ADAMTS20: variants seen among roughly 807,000 people sequenced by gnomAD.
The protein encoded by ADAMTS20 is A disintegrin and metalloproteinase with thrombospondin motifs 20.
ADAMTS20 carries 225 observed loss-of-function variants against 260.1 expected under a neutral mutation model. The ratio of observed to expected loss-of-function variants is 0.87; its 90% confidence interval spans 0.78 to 0.97. The LOEUF (loss-of-function observed/expected upper bound fraction) is 0.97, where lower values mean the gene tolerates loss of function less well. Among genes scored for constraint, ADAMTS20 ranks in the 50% least tolerant of loss-of-function variants. The probability of loss-of-function intolerance (pLI) is 0.00; values close to 1 mark genes in which losing one functional copy is unlikely to be tolerated. For synonymous variants in ADAMTS20, 802 were observed against 769.5 expected, an observed-to-expected ratio of 1.04 and a Z score of -0.70; for missense variants, 2,400 against 2,337.7, an observed-to-expected ratio of 1.03 and a Z score of -0.55.
chr12:43,492,414 CAAAACAAAAAA>C, intron 6 of ADAMTS20, 80 bp downstream of exon 6: 1 of 1,414,918 alleles, frequency 7.1e-7, no homozygotes, highest in Non-Finnish European at 9.5e-7. Flanking sequence ...AAAACAAAAA[CAAAACAAAAAA>C]AAGAATTAAG....
chr12:43,372,588 G>T (rs1940130748), intron 36 of ADAMTS20, among the ~76,000 whole-genome samples: 1 of 152,128 alleles, frequency 6.6e-6, no homozygotes, highest in South Asian at 2.1e-4. Flanking sequence ...AAGATGATTT[G>T]CTTGTGATTA....
At chr12:43,429,547 G>T in intron 24 of ADAMTS20, 70 bp downstream of exon 24, 2 of 1,060,294 alleles carry the variant, frequency 1.9e-6, no homozygotes, top group Non-Finnish European at 2.7e-6. Context: ...GAAATCTCTA[G>T]CAACCATTTT....
chr12:43,535,260 T>C (rs1943278482), intron 2 of ADAMTS20, among the ~76,000 whole-genome samples: 2 of 152,152 alleles, frequency 1.3e-5, no homozygotes, highest in South Asian at 4.1e-4. Context: ...TCTAGGCACA[T>C]GTGGTAAGCA....
intron 29 of ADAMTS20, among the ~76,000 whole-genome samples, chr12:43,394,332 A>C (rs1940656661): frequency 6.6e-6 from 1 of 152,144 alleles, no homozygotes; most frequent in Non-Finnish European, 1.5e-5. Context: ...AAAATTGTCA[A>C]GATTTTACTT....
chr12:43,437,318 A>G (rs573766395), intron 18 of ADAMTS20, among the ~76,000 whole-genome samples: 30 of 152,322 alleles, frequency 2.0e-4, no homozygotes, highest in African/African-American at 7.0e-4. Flanking sequence ...TCCCAAAGAT[A>G]AAAGAGAAAA....
chr12:43,415,100 CCTAA>C (rs1263255122), intron 28 of ADAMTS20, among the ~76,000 whole-genome samples: 1 of 152,090 alleles, frequency 6.6e-6, no homozygotes, highest in Non-Finnish European at 1.5e-5. Flanking sequence ...AGTACAGTAT[CCTAA>C]CTGTCACAAA....
chr12:43,454,376 T>C (rs975981021), intron 11 of ADAMTS20, among the ~76,000 whole-genome samples: 2 of 152,204 alleles, frequency 1.3e-5, no homozygotes, highest in African/African-American at 4.8e-5. Flanking sequence ...TATGGTATAT[T>C]TCCATCCTTC....
At chr12:43,421,282 C>CAAAAAAAA (rs61465679) in intron 28 of ADAMTS20, among the ~76,000 whole-genome samples, 3,528 of 118,632 alleles carry the variant, frequency 0.03, 128 homozygotes, top group African/African-American at 0.042. Context: ...CTTTCATTTA[C>CAAAAAAAA]AAAAAAAAAA....
chr12:43,515,555 G>C (rs1205666687), intron 3 of ADAMTS20, among the ~76,000 whole-genome samples: 1 of 152,062 alleles, frequency 6.6e-6, no homozygotes, highest in Non-Finnish European at 1.5e-5. Context: ...CATATGAAAT[G>C]TTCATCTAAC....
At chr12:43,503,627 T>C (rs1454221305) in intron 3 of ADAMTS20, among the ~76,000 whole-genome samples, 1 of 152,044 alleles carries the variant, frequency 6.6e-6, no homozygotes, top group East Asian at 1.9e-4. Flanking sequence ...GGTAAACTCG[T>C]GTCATGGGAG....
rs760041748 is a variant in ADAMTS20, at chr12:43,431,472, T to C, written c.3121A>G (p.Thr1041Ala). The stretch of plus-strand genomic sequence containing the variant: ...TGACACCATACCTGCCGCTGCTTTG[T>C]TCCTTTACCACATGTAACAAGGCAC... ...SECLVTCGKGTKQRQVWCQLN... is the reference protein window; with the variant it reads ...SECLVTCGKGAKQRQVWCQLN... The change falls in exon 22 of 39, where the codon ACA becomes GCA. Residue 1041 changes from threonine (T) to alanine (A), a missense_variant. Coordinates refer to ENST00000389420, the MANE Select transcript of ADAMTS20 (RefSeq NM_025003.5). 9.9e-6 allele frequency: 16 copies of C among 1,613,862 alleles called. No homozygotes were observed. In the African/African-American group the frequency reaches 2.0e-4, roughly 20 times the overall value.
At chr12:43,471,251 C>A (rs1156726691) in intron 7 of ADAMTS20, among the ~76,000 whole-genome samples, 2 of 152,122 alleles carry the variant, frequency 1.3e-5, no homozygotes, top group Non-Finnish European at 2.9e-5. Context: ...TCGGGTCGCT[C>A]CCACCCGAAT....
intron 2 of ADAMTS20, among the ~76,000 whole-genome samples, chr12:43,543,579 G>A (rs544595314): frequency 2.6e-4 from 40 of 152,280 alleles, no homozygotes; most frequent in East Asian, 3.9e-4. Flanking sequence ...AGAAGACTGC[G>A]TTATCCAGAG....
intron 7 of ADAMTS20, among the ~76,000 whole-genome samples, chr12:43,477,736 C>T (rs929722959): frequency 3.3e-5 from 5 of 151,918 alleles, no homozygotes; most frequent in Non-Finnish European, 4.4e-5. Context: ...AAATTCTAGG[C>T]GGTAAGCAAT....
Position 43,428,519 on chromosome 12 carries a change from A to G in ADAMTS20, c.3667T>C (p.Cys1223Arg), listed in dbSNP as rs151010911. ...TGTCGAGTTGTTTTTCCATGGCCAC[A>G]GGAAGCTGAACACTGATCAAAAATT... ...AGDWSPCSASCGHGKTTRQVL... is the reference protein window; with the variant it reads ...AGDWSPCSASRGHGKTTRQVL... Residue 1223 changes from cysteine to arginine, a missense_variant, in exon 26 of 39, where the codon TGT becomes CGT. Physicochemically the swap from Cys to Arg is radical, Grantham distance 180. Coordinates refer to ENST00000389420, the MANE Select transcript of ADAMTS20 (RefSeq NM_025003.5). 4.1e-4 allele frequency: 665 copies of G among 1,613,300 alleles called. 1 individual carries two copies. In the African/African-American group the frequency reaches 8.1e-3, roughly 20 times the overall value.
intron 19 of ADAMTS20, 134 bp from the exon 20 acceptor site, chr12:43,432,945 A>T: frequency 1.4e-6 from 1 of 726,460 alleles, no homozygotes; most frequent in Non-Finnish European, 2.3e-6. Context: ...ACCAGTCTGC[A>T]GCCAGGAAGC....
intron 4 of ADAMTS20, among the ~76,000 whole-genome samples, chr12:43,494,232 T>C (rs1178885204): frequency 3.3e-5 from 5 of 152,182 alleles, no homozygotes; most frequent in Non-Finnish European, 5.9e-5. Context: ...AGTTGTTTAA[T>C]AAAGAAATGT....
intron 29 of ADAMTS20, among the ~76,000 whole-genome samples, chr12:43,391,330 G>A (rs1034618356): frequency 9.2e-5 from 14 of 152,238 alleles, no homozygotes; most frequent in African/African-American, 3.4e-4. Flanking sequence ...TCAGGTGTAG[G>A]GTTGGCAAAT....
chr12:43,399,858 C>T (rs548766391), intron 28 of ADAMTS20, among the ~76,000 whole-genome samples: 2 of 152,064 alleles, frequency 1.3e-5, no homozygotes, highest in South Asian at 4.1e-4. Flanking sequence ...AACGATTTGA[C>T]TTCATTTGTC....
Sources: gnomAD v4.1 joint callset for allele counts (sites outside exome capture counted in the v4.1 genomes callset) on GRCh38, gnomAD v4.1.1 for gene constraint, MANE v1.5 for transcripts, NCBI Gene and HGNC (gene_info 2026-07-23, HGNC 2026-07-21) for gene names.